The following NSD2 variants were observed in gnomAD, a reference collection of about 807,000 sequenced individuals.
The protein encoded by NSD2 is histone-lysine N-methyltransferase NSD2.
Under a neutral mutation model 139.0 loss-of-function variants are expected in NSD2, and 12 were observed. The ratio of observed to expected loss-of-function variants is 0.09; its 90% CI spans 0.06 to 0.14. The LOEUF is 0.14. Among genes scored for constraint, NSD2 ranks in the 10% least tolerant of loss-of-function variants. NSD2 has a pLI of 1.00. For missense variants in NSD2, 1,155 were observed against 1,745.0 expected (o/e 0.66, Z 6.02); for synonymous variants, 669 against 648.7 (o/e 1.03, Z -0.48).
At chr4:1,874,692 A>G (rs1486452729) in intron 1 of NSD2, among the ~76,000 whole-genome samples, 2 of 152,226 alleles carry the variant, frequency 1.3e-5, no homozygotes, top group African/African-American at 4.8e-5. Flanking sequence ...AACAAGTAGT[A>G]GAACAGATCT....
intron 15 of NSD2, among the ~76,000 whole-genome samples, chr4:1,957,207 G>A (rs979098749): frequency 3.9e-5 from 6 of 152,170 alleles, no homozygotes; most frequent in East Asian, 1.9e-4. Context: ...GTGTTTCCTC[G>A]GTTCTTGCTT....
intron 1 of NSD2, among the ~76,000 whole-genome samples, chr4:1,889,699 A>G (rs1715383570): frequency 6.6e-6 from 1 of 151,524 alleles, no homozygotes; most frequent in Admixed American, 6.6e-5. Flanking sequence ...GAGTTTCATC[A>G]TGTTGGTCAG....
At chr4:1,977,007 G>T (rs941477894) in intron 21 of NSD2, among the ~76,000 whole-genome samples, 1 of 152,246 alleles carries the variant, frequency 6.6e-6, no homozygotes, top group Admixed American at 6.5e-5. Context: ...AGGAGGCGAC[G>T]CTGGGAACTA....
At position 1,981,028 on chromosome 4, in the gene NSD2, T is replaced by C. The variant is rs1727708137; in HGVS notation, c.*2119T>C. 1.3e-5 allele frequency: 3 copies of C among 233,168 alleles called. No individual in the cohort carries two copies. Among genetic ancestry groups the C allele is most frequent in the East Asian group, 1.2e-4 (2 of 16,604 alleles). The allele number at this position is 233,168 out of a possible 1,614,324, so 14.4% of individuals were successfully genotyped here. A position where few individuals can be genotyped will look rare whatever the true frequency, so the allele number is the denominator to read the frequency against. On this transcript the variant is annotated 3_prime_UTR_variant, in exon 22 of 22. Transcript: ENST00000508803. ...CGGCAGGTAAGGGACTACCAATGCT[T>C]ACGTCAAAACAGCAGAATCGGCTTT...
At chr4:1,917,628 G>A (rs946868434) in intron 4 of NSD2, among the ~76,000 whole-genome samples, 1 of 151,924 alleles carries the variant, frequency 6.6e-6, no homozygotes, top group African/African-American at 2.4e-5. Context: ...GTGGAGACAG[G>A]GTTTCACCAG....
chr4:1,935,969 A>C (rs1722342654), intron 7 of NSD2, among the ~76,000 whole-genome samples: 1 of 152,270 alleles, frequency 6.6e-6, no homozygotes, highest in South Asian at 2.1e-4. Flanking sequence ...GATATGTGTT[A>C]CATGTCAATA....
chr4:1,903,986 G>A (rs895233769), intron 2 of NSD2, among the ~76,000 whole-genome samples: 2 of 152,114 alleles, frequency 1.3e-5, no homozygotes, highest in Non-Finnish European at 2.9e-5. Context: ...CGCCCACGTT[G>A]GCCTCCCAAA....
chr4:1,908,630 C>A (rs1043124985), intron 3 of NSD2, among the ~76,000 whole-genome samples: 1 of 152,070 alleles, frequency 6.6e-6, no homozygotes, highest in African/African-American at 2.4e-5. Context: ...GCTAGTCAGA[C>A]CACATCAGGA....
rs760971750 is a variant in NSD2, at chr4:1,901,140, AAAC to A, written c.489_491del (p.Asn163del). On this transcript the variant is annotated inframe_deletion, in exon 2 of 22. Coordinates refer to ENST00000508803, the MANE Select transcript of NSD2 (RefSeq NM_001042424.3). ...CAGAAGAAAATGGACAAAAACCAGA[AAAC>A]AAGGCGAGAAGGAACAGGAAGAGGA... The A allele has an allele frequency of 1.9e-5, 30 of 1,614,234 alleles. No homozygotes were observed. The highest frequency in any genetic ancestry group is 2.5e-5 in the Non-Finnish European group (30 of 1,180,044).
Position 1,934,754 on chromosome 4 carries a change from A to G in NSD2, c.1556-390A>G, listed in dbSNP as rs543308653. 2.8e-5 allele frequency among the ~76,000 whole-genome samples: 4 copies of G among 140,542 alleles called. No homozygotes were observed. In the South Asian group the frequency reaches 9.7e-4, roughly 34 times the overall value. The allele number at this position is 140,542 out of a possible 152,430, so 92.2% of individuals were successfully genotyped here. On this transcript the variant is annotated intron_variant, in intron 6 of 21. Coordinates refer to ENST00000508803, the MANE Select transcript of NSD2 (RefSeq NM_001042424.3). Reference sequence around the variant, plus strand: ...TCCCAGCTACTCAGGAGGCTGAGGCAGGAGGATGGCTTGAACCCACGAGGC... The same window carrying G: ...TCCCAGCTACTCAGGAGGCTGAGGCGGGAGGATGGCTTGAACCCACGAGGC...
At chr4:1,918,083 G>A (rs1397777972) in intron 4 of NSD2, 58 bp from the exon 5 acceptor site, 14 of 1,560,052 alleles carry the variant, frequency 9.0e-6, no homozygotes, top group Non-Finnish European at 1.1e-5. Context: ...CCTAGGAAAA[G>A]TAGTTAACTT....
At chr4:1,917,399 T>A (rs1180458900) in intron 4 of NSD2, among the ~76,000 whole-genome samples, 1 of 152,232 alleles carries the variant, frequency 6.6e-6, no homozygotes, top group Non-Finnish European at 1.5e-5. Context: ...TTGGGCTGAA[T>A]TCTAAAATTG....
intron 3 of NSD2, among the ~76,000 whole-genome samples, chr4:1,905,180 T>A (rs1461229563): frequency 6.6e-6 from 1 of 151,796 alleles, no homozygotes; most frequent in Non-Finnish European, 1.5e-5. Flanking sequence ...CAAATAATGG[T>A]TGGTCAACCC....
chr4:1,916,821 T>A lies in NSD2; in HGVS notation c.761-50T>A. On this transcript the variant is annotated intron_variant, in intron 3 of 21. Coordinates refer to ENST00000508803, the MANE Select transcript of NSD2 (RefSeq NM_001042424.3). ...AAAATAGCAGTAGATTTGACTAGTT[T>A]CATCCCAGATTCTAACTTTCATTCT... 1.9e-6 allele frequency: 3 copies of A among 1,563,934 alleles called. No individual in the cohort carries two copies. In the African/African-American group the frequency reaches 4.1e-5, roughly 21 times the overall value.
At position 1,946,112 on chromosome 4, in the gene NSD2, G is replaced by A. The variant is rs144291231; in HGVS notation, c.1882-4960G>A. ...AAATAGGGTAATTGCTGAGGTGTGCGGTTTATCTTTGAGATGATAAAGCTA... is the reference window on the plus strand; with the variant it reads ...AAATAGGGTAATTGCTGAGGTGTGCAGTTTATCTTTGAGATGATAAAGCTA... On this transcript the variant is annotated intron_variant, in intron 9 of 21. Transcript: ENST00000508803. 431 of 1,028,978 alleles carry A rather than the reference G, an allele frequency of 4.2e-4. No homozygotes were observed. The African/African-American group carries it at 6.6e-3, about 16-fold the overall frequency. 63.7% of individuals were successfully genotyped at this position (1,028,978 alleles called of 1,614,324 possible).
At chr4:1,950,272 A>T (rs965445857) in intron 9 of NSD2, among the ~76,000 whole-genome samples, 4 of 152,176 alleles carry the variant, frequency 2.6e-5, no homozygotes, top group African/African-American at 9.7e-5. Context: ...AGTGATTTCT[A>T]TTAAATGAAG....
At position 1,938,488 on chromosome 4, in the gene NSD2, C is replaced by T. The variant is rs763018932; in HGVS notation, c.1712C>T (p.Ser571Phe). ...ACTGACAAAACGGCCAGAACAAGCT[C>T]TTACAAGGCCATGGAGGCAGCCTCC... ...TITDKTARTSSYKAMEAASSL... is the reference protein window; with the variant it reads ...TITDKTARTSFYKAMEAASSL... The change falls in exon 8 of 22, where the codon TCT (serine) becomes TTT (phenylalanine). Residue 571 changes from serine (S) to phenylalanine (F), a missense_variant. By Grantham distance (155) the Ser-to-Phe change is radical. Coordinates refer to ENST00000508803, the MANE Select transcript of NSD2 (RefSeq NM_001042424.3). The T allele has an allele frequency of 7.3e-7, 1 of 1,367,474 alleles. No homozygotes were observed. 84.7% of individuals were successfully genotyped at this position (1,367,474 alleles called of 1,614,324 possible).
At position 1,979,313 on chromosome 4, in the gene NSD2, C is replaced by A; in HGVS notation, c.*404C>A. ...CTAGAAACTCGTCTTCGCGTTGCCC[C>A]CTTTCTGGCTCTCAGCGCCGTCGCC... On this transcript the variant is annotated 3_prime_UTR_variant, in exon 22 of 22. Coordinates refer to ENST00000508803, the MANE Select transcript of NSD2 (RefSeq NM_001042424.3). 4.1e-6 allele frequency: 1 copy of A among 243,120 alleles called. No individual in the cohort carries two copies. Among genetic ancestry groups the A allele is most frequent in the African/African-American group, 2.2e-5 (1 of 45,854 alleles). 15.1% of individuals were successfully genotyped at this position (243,120 alleles called of 1,614,324 possible).
At chr4:1,925,959 C>A (rs577124572) in intron 5 of NSD2, among the ~76,000 whole-genome samples, 10 of 151,578 alleles carry the variant, frequency 6.6e-5, no homozygotes, top group Non-Finnish European at 1.3e-4. Context: ...TGTGCCACCA[C>A]GCCTGGCTAA....
Sources: gnomAD v4.1 joint callset for allele counts (sites outside exome capture counted in the v4.1 genomes callset) on GRCh38, gnomAD v4.1.1 for gene constraint, MANE v1.5 for transcripts, NCBI Gene and HGNC (gene_info 2026-07-23, HGNC 2026-07-21) for gene names.